PYGO2: variants seen among roughly 807,000 people sequenced by gnomAD.
PYGO2 encodes the protein pygopus family PHD finger 2.
Under a neutral mutation model 26.7 loss-of-function variants are expected in PYGO2, and 9 were observed. That is an observed-to-expected ratio of 0.34 (90% CI 0.20 to 0.59). The LOEUF is 0.59. Among genes scored for constraint, PYGO2 ranks in the 20% least tolerant of loss-of-function variants. The pLI is 0.84. For missense variants in PYGO2, 538 were observed against 561.5 expected, an observed-to-expected ratio of 0.96 and a Z score of 0.42; for synonymous variants, 236 against 219.0, an observed-to-expected ratio of 1.08 and a Z score of -0.68.
Position 154,960,881 on chromosome 1 carries a change from C to T in PYGO2, c.153+96G>A, listed in dbSNP as rs1359302222. On this transcript the variant is annotated intron_variant, in intron 2 of 2. Coordinates refer to ENST00000368457, the MANE Select transcript of PYGO2 (RefSeq NM_138300.4). The stretch of plus-strand genomic sequence containing the variant: ...ACAGTTTTCTCTCTCCTCCCTGCAG[C>T]TGATACAAGATACAAACAGATACTG... The T allele has an allele frequency of 2.6e-6, 3 of 1,160,526 alleles. No homozygotes were observed. In the East Asian group the frequency reaches 7.0e-5, roughly 27 times the overall value. 71.9% of individuals were successfully genotyped at this position (1,160,526 alleles called of 1,614,324 possible). A position where few individuals can be genotyped will look rare whatever the true frequency, so the allele number is the denominator to read the frequency against.
Position 154,957,725 on chromosome 1 carries a change from C to T in PYGO2, c.*1054G>A, listed in dbSNP as rs1244865733. On this transcript the variant is annotated 3_prime_UTR_variant, in exon 3 of 3. Transcript: ENST00000368457. The stretch of plus-strand genomic sequence containing the variant: ...GAGAAGCAACAAACTCCAGGCTCTT[C>T]TACCTTTGAGTACCATGGCAATGAG... 6.5e-6 allele frequency: 1 copy of T among 152,784 alleles called. No homozygotes were observed. The highest frequency in any genetic ancestry group is 6.5e-5 in the Admixed American group (1 of 15,298). The allele number at this position is 152,784 out of a possible 1,614,324, so 9.5% of individuals were successfully genotyped here. A position where few individuals can be genotyped will look rare whatever the true frequency, so the allele number is the denominator to read the frequency against.
At position 154,959,702 on chromosome 1, in the gene PYGO2, G is replaced by T. The variant is rs753148399; in HGVS notation, c.298C>A (p.Pro100Thr). ...CCCTGCACACGGAAGCCTCCGAAGGGCACAGGACTGCCAAGGAATGGAGGG... is the reference window on the plus strand; with the variant it reads ...CCCTGCACACGGAAGCCTCCGAAGGTCACAGGACTGCCAAGGAATGGAGGG... ...AAPPFLGSPV[P>T]FGGFRVQGGM... The change falls in exon 3 of 3, where the codon CCC becomes ACC. Residue 100 changes from proline (P) to threonine (T), a missense_variant. Around this residue, in one of 4 missense-constraint regions of PYGO2, gnomAD observed 381 missense variants for 336.6 expected, o/e 1.13. Transcript: ENST00000368457. This position sits in a 1 kb window ranked among gnomAD's most constrained non-coding sequence, Gnocchi z 4.7. 7.0e-7 allele frequency: 1 copy of T among 1,433,760 alleles called. No individual in the cohort carries two copies. Among genetic ancestry groups the T allele is most frequent in the South Asian group, 1.6e-5 (1 of 62,608 alleles). The allele number at this position is 1,433,760 out of a possible 1,614,324, so 88.8% of individuals were successfully genotyped here.
Position 154,959,470 on chromosome 1 carries a change from G to A in PYGO2, c.530C>T (p.Pro177Leu), listed in dbSNP as rs1477315837. Residue 177 changes from proline to leucine, a missense_variant, in exon 3 of 3, where the codon CCT becomes CTT. Transcript: ENST00000368457. This position sits in a 1 kb window ranked among gnomAD's most constrained non-coding sequence, Gnocchi z 4.7. ...GCCCGGCATCATCTGCCCACTGGGA[G>A]GACTAAAGTTTTGACCCAGAGGCTG... ...FNQPLGQNFSPPSGQMMPGPV... is the reference protein window; with the variant it reads ...FNQPLGQNFSLPSGQMMPGPV... The A allele has an allele frequency of 2.0e-6, 3 of 1,504,558 alleles. No individual in the cohort carries two copies. The highest frequency in any genetic ancestry group is 2.7e-5 in the South Asian group (2 of 73,854). The allele number at this position is 1,504,558 out of a possible 1,614,324, so 93.2% of individuals were successfully genotyped here. A position where few individuals can be genotyped will look rare whatever the true frequency, so the allele number is the denominator to read the frequency against.
Position 154,958,632 on chromosome 1 carries a change from A to G in PYGO2, c.*147T>C. 1.5e-6 allele frequency: 1 copy of G among 662,220 alleles called. No individual in the cohort carries two copies. Among genetic ancestry groups the G allele is most frequent in the Admixed American group, 2.9e-5 (1 of 34,788 alleles). The allele number at this position is 662,220 out of a possible 1,614,324, so 41.0% of individuals were successfully genotyped here. A position where few individuals can be genotyped will look rare whatever the true frequency, so the allele number is the denominator to read the frequency against. ...CAGGCTCTTCTGCCTGCCCACCTCA[A>G]TTCCTTTTCTGCTCCCAGGAGCCAC... On this transcript the variant is annotated 3_prime_UTR_variant, in exon 3 of 3. Coordinates refer to ENST00000368457, the MANE Select transcript of PYGO2 (RefSeq NM_138300.4).
intron 2 of PYGO2, among the ~76,000 whole-genome samples, chr1:154,960,461 A>AGAGGGTG (rs1436999928): frequency 1.3e-5 from 2 of 151,950 alleles, no homozygotes; most frequent in Non-Finnish European, 2.9e-5. Flanking sequence ...GACAAGAAAA[A>AGAGGGTG]GAGGGTGGAG....
Position 154,959,592 on chromosome 1 carries a change from G to C in PYGO2, c.408C>G (p.Phe136Leu). 6.9e-7 allele frequency: 1 copy of C among 1,441,730 alleles called. No homozygotes were observed. Among genetic ancestry groups the C allele is most frequent in the Non-Finnish European group, 9.2e-7 (1 of 1,090,290 alleles). 89.3% of individuals were successfully genotyped at this position (1,441,730 alleles called of 1,614,324 possible). The change falls in exon 3 of 3, where the codon TTC becomes TTG. Residue 136 changes from phenylalanine to leucine, a missense_variant. This residue lies in a region of PYGO2 where 381 missense variants were observed against 336.6 expected (regional missense o/e 1.13). Transcript: ENST00000368457. The surrounding 1 kb of genome is among the most constrained non-coding windows in gnomAD (Gnocchi z 4.7). ...AAGCAGGGCCCATAGGATTGGGAGG[G>C]AAGGGGGGTGGCTGTCGACGGAGTG... ...PQPLRRQPPP[F>L]PPNPMGPAFN...
At chr1:154,961,080 CCT>C in intron 1 of PYGO2, 54 bp from the exon 2 acceptor site, 2 of 1,553,886 alleles carry the variant, frequency 1.3e-6, no homozygotes, top group Non-Finnish European at 1.8e-6. Flanking sequence ...GTTTCCCCAA[CCT>C]CTTTTCTCTC....
At chr1:154,961,173 G>T (rs1655347937) in intron 1 of PYGO2, 147 bp from the exon 2 acceptor site, 1 of 746,244 alleles carries the variant, frequency 1.3e-6, no homozygotes. Context: ...GGTGCAATAT[G>T]AAAAATAGAT....
chr1:154,958,424 G>A lies in PYGO2; in HGVS notation c.*355C>T, dbSNP rs953741415. 1.5e-5 allele frequency: 4 copies of A among 263,320 alleles called. No homozygotes were observed. The highest frequency in any genetic ancestry group is 3.0e-5 in the Non-Finnish European group (4 of 134,014). The allele number at this position is 263,320 out of a possible 1,614,324, so 16.3% of individuals were successfully genotyped here. A position where few individuals can be genotyped will look rare whatever the true frequency, so the allele number is the denominator to read the frequency against. ...TAGGGGTGTTAGGCACAGGTGTTAG[G>A]GGCATCCATCATCAGCAGAGGGAAC... On this transcript the variant is annotated 3_prime_UTR_variant, in exon 3 of 3. Transcript: ENST00000368457.
At position 154,957,196 on chromosome 1, in the gene PYGO2, C is replaced by G. The variant is rs1338812444; in HGVS notation, c.*1583G>C. The G allele has an allele frequency of 6.6e-6, 1 of 152,468 alleles. No individual in the cohort carries two copies. Among genetic ancestry groups the G allele is most frequent in the African/African-American group, 2.4e-5 (1 of 41,408 alleles). The allele number at this position is 152,468 out of a possible 1,614,324, so 9.4% of individuals were successfully genotyped here. On this transcript the variant is annotated 3_prime_UTR_variant, in exon 3 of 3. Coordinates refer to ENST00000368457, the MANE Select transcript of PYGO2 (RefSeq NM_138300.4). Reference sequence around the variant, plus strand: ...TTACAAAATGCGGAGCAGGGGAAGACAACACAAAAACAGCAACAGATAAAT... The same window carrying G: ...TTACAAAATGCGGAGCAGGGGAAGAGAACACAAAAACAGCAACAGATAAAT...
In PYGO2 at chr1:154,960,133, T is replaced by C. The variant is rs1258031104; in HGVS notation, c.154-287A>G. On this transcript the variant is annotated intron_variant, in intron 2 of 2. Coordinates refer to ENST00000368457, the MANE Select transcript of PYGO2 (RefSeq NM_138300.4). ...CAAAAAAATTAGCCGGGCGTGGTGG[T>C]GGGCGCCTGTAGTCCCAGCTACTCG... Among the ~76,000 whole-genome samples the C allele has an allele frequency of 5.3e-5, 8 of 151,620 alleles. 1 individual carries two copies. The highest frequency in any genetic ancestry group is 2.0e-4 in the Admixed American group (3 of 15,236).
At chr1:154,960,872 T>C in intron 2 of PYGO2, 105 bp downstream of exon 2, 1 of 1,081,374 alleles carries the variant, frequency 9.2e-7, no homozygotes, top group Non-Finnish European at 1.4e-6. Flanking sequence ...TTCTCTCTCC[T>C]CCCTGCAGCT....
In PYGO2 at chr1:154,958,836, G is replaced by T. The variant is rs766696698; in HGVS notation, c.1164C>A (p.Ile388=). 4 of 1,614,014 alleles carry T rather than the reference G, an allele frequency of 2.5e-6. No homozygotes were observed. Reference sequence around the variant, plus strand: ...TGCCCTCACGGATGTAGACAGACTGGATCTCCTTGGTCTTGAGGCAGAGAT... The same window carrying T: ...TGCCCTCACGGATGTAGACAGACTGTATCTCCTTGGTCTTGAGGCAGAGAT... ...ACDLCLKTKE[I]QSVYIREGMG... is the part of the protein sequence containing the mutation. The change falls in exon 3 of 3, where the codon ATC becomes ATA. Residue 388 remains isoleucine (I), a synonymous_variant. Transcript: ENST00000368457.
intron 1 of PYGO2, 67 bp from the exon 2 acceptor site, chr1:154,961,093 A>G: frequency 6.7e-7 from 1 of 1,495,166 alleles, no homozygotes; most frequent in Non-Finnish European, 9.2e-7. Context: ...CTTTTCTCTC[A>G]GCCATGCTCT....
intron 2 of PYGO2, among the ~76,000 whole-genome samples, chr1:154,960,251 C>A: frequency 8.3e-6 from 1 of 120,096 alleles, no homozygotes. Flanking sequence ...GGCAACAGAG[C>A]AAGACTCCGT....
intron 2 of PYGO2, 132 bp downstream of exon 2, chr1:154,960,843 CAA>C: frequency 1.1e-6 from 1 of 918,240 alleles, no homozygotes; most frequent in Non-Finnish European, 1.8e-6. Flanking sequence ...GAACAAGAAG[CAA>C]AGCAAGAAAG....
In PYGO2 at chr1:154,958,772, A is replaced by C. The variant is rs1288922950; in HGVS notation, c.*7T>G. ...CATGTGCACTTCCCTGGGCCACTTC[A>C]CCAGCGTCACCCATCGTTAGCAGCC... On this transcript the variant is annotated 3_prime_UTR_variant, in exon 3 of 3. Transcript: ENST00000368457. 6.2e-7 allele frequency: 1 copy of C among 1,608,484 alleles called. No homozygotes were observed. Among genetic ancestry groups the C allele is most frequent in the East Asian group, 2.2e-5 (1 of 44,708 alleles).
rs556364983 is a variant in PYGO2 at position 154,959,161 on chromosome 1, G to A, written c.839C>T (p.Pro280Leu). 3.1e-6 allele frequency: 5 copies of A among 1,587,546 alleles called. No homozygotes were observed. Among genetic ancestry groups the A allele is most frequent in the South Asian group, 2.3e-5 (2 of 88,174 alleles). The change falls in exon 3 of 3, where the codon CCG becomes CTG. Residue 280 changes from proline to leucine, a missense_variant. Pro to Leu is a moderately conservative substitution (Grantham distance 98, BLOSUM62 -3). Transcript: ENST00000368457. The surrounding 1 kb of genome is among the most constrained non-coding windows in gnomAD (Gnocchi z 4.7). ...CTGGTTCCCATTAACAGCAGCAGCC[G>A]GGGAGCCTGAGTGGGGCTCCTGGGG... ...AFPQEPHSGS[P>L]AAAVNGNQPS... is the part of the protein sequence containing the mutation.
At chr1:154,960,072 G>C (rs545875099) in intron 2 of PYGO2, among the ~76,000 whole-genome samples, 1 of 151,802 alleles carries the variant, frequency 6.6e-6, no homozygotes, top group South Asian at 2.1e-4. Context: ...AGATCATCCT[G>C]GCTAACACGG....
Sources: allele counts gnomAD v4.1 joint callset (sites outside exome capture counted in the v4.1 genomes callset), GRCh38; gene constraint gnomAD v4.1.1; regional missense constraint gnomAD v4.1.1; non-coding constraint Gnocchi (gnomAD v3.1); transcripts MANE v1.5; gene names NCBI Gene and HGNC (gene_info 2026-07-23, HGNC 2026-07-21).